Variants in SLC2A13 observed in about 807,000 individuals in gnomAD.
The protein encoded by SLC2A13 is solute carrier family 2 member 13.
SLC2A13 carries 32 observed loss-of-function variants against 64.4 expected under a neutral mutation model. The observed-to-expected ratio is 0.50, with a 90% CI of 0.37 to 0.67. SLC2A13 has a LOEUF of 0.67. SLC2A13 is among the 30% of genes least tolerant of loss of function. The pLI, the probability that SLC2A13 is intolerant of heterozygous loss-of-function variation, is 0.00. For synonymous variants in SLC2A13, 338 were observed against 327.1 expected, an observed-to-expected ratio of 1.03 and a Z score of -0.36; for missense variants, 743 against 829.2, an observed-to-expected ratio of 0.90 and a Z score of 1.28.
intron 4 of SLC2A13, among the ~76,000 whole-genome samples, chr12:39,898,961 G>T (rs532882691): frequency 2.0e-5 from 3 of 152,144 alleles, no homozygotes; most frequent in African/African-American, 7.2e-5. Flanking sequence ...TTGTGTCTCT[G>T]CCTGGCTTTG....
chr12:39,916,686 T>A (rs1238926281), intron 4 of SLC2A13, among the ~76,000 whole-genome samples: 3 of 152,122 alleles, frequency 2.0e-5, no homozygotes, highest in Admixed American at 2.0e-4. Context: ...CATTATATAT[T>A]AAAAACATTT....
At chr12:39,851,551 G>A (rs1420311500) in intron 6 of SLC2A13, among the ~76,000 whole-genome samples, 3 of 152,140 alleles carry the variant, frequency 2.0e-5, no homozygotes, top group Non-Finnish European at 4.4e-5. Flanking sequence ...GTTTGGTCTA[G>A]GCTAAAATTA....
chr12:40,053,836 T>G (rs748632403), intron 1 of SLC2A13, among the ~76,000 whole-genome samples: 2 of 152,164 alleles, frequency 1.3e-5, no homozygotes, highest in African/African-American at 4.8e-5. Context: ...CACCTTGCTG[T>G]TAATAAAAGC....
intron 1 of SLC2A13, among the ~76,000 whole-genome samples, chr12:40,091,704 C>T (rs1217582651): frequency 1.3e-5 from 2 of 152,108 alleles, no homozygotes; most frequent in Non-Finnish European, 2.9e-5. Flanking sequence ...ACCTAATATG[C>T]AAATTACAGT....
chr12:40,081,579 T>C (rs780780717), intron 1 of SLC2A13, among the ~76,000 whole-genome samples: 1 of 152,192 alleles, frequency 6.6e-6, no homozygotes, highest in Non-Finnish European at 1.5e-5. Context: ...TCAGTTCCTG[T>C]ATCATTTTAT....
At chr12:39,797,888 G>A (rs903811770) in intron 7 of SLC2A13, among the ~76,000 whole-genome samples, 10 of 152,038 alleles carry the variant, frequency 6.6e-5, no homozygotes, top group Non-Finnish European at 1.0e-4. Context: ...TCTTCATTAG[G>A]GGCTGTGGGA....
chr12:39,922,366 C>T (rs552484629), intron 4 of SLC2A13, among the ~76,000 whole-genome samples: 1 of 152,316 alleles, frequency 6.6e-6, no homozygotes, highest in East Asian at 1.9e-4. Context: ...CCAAGCCTAA[C>T]CAATCAGGAG....
chr12:39,916,756 A>G (rs927410157), intron 4 of SLC2A13, among the ~76,000 whole-genome samples: 19 of 152,086 alleles, frequency 1.2e-4, no homozygotes, highest in Non-Finnish European at 2.8e-4. Context: ...TGTTTAAGTA[A>G]TTAGTAAACT....
intron 7 of SLC2A13, among the ~76,000 whole-genome samples, chr12:39,785,804 T>C (rs1039954180): frequency 5.3e-5 from 8 of 152,096 alleles, no homozygotes; most frequent in Admixed American, 4.6e-4. Context: ...TCAAAGGAGA[T>C]CATTTTGGAG....
intron 3 of SLC2A13, among the ~76,000 whole-genome samples, chr12:39,959,468 C>T (rs1033494435): frequency 5.9e-5 from 9 of 152,172 alleles, no homozygotes; most frequent in Admixed American, 3.3e-4. Context: ...TTAATCTGGT[C>T]ATTATTATTC....
intron 2 of SLC2A13, among the ~76,000 whole-genome samples, chr12:40,031,152 G>T (rs761692108): frequency 3.3e-5 from 5 of 152,156 alleles, no homozygotes; most frequent in African/African-American, 1.2e-4. Flanking sequence ...ACACAGGAAT[G>T]GATGTGGGTG....
intron 1 of SLC2A13, among the ~76,000 whole-genome samples, chr12:40,076,979 C>A (rs1938202625): frequency 6.6e-6 from 1 of 151,938 alleles, no homozygotes; most frequent in Non-Finnish European, 1.5e-5. Flanking sequence ...GTGTTCATGT[C>A]CTTTGCCCAT....
Position 39,756,897 on chromosome 12 carries a change from C to A in SLC2A13, c.*3129G>T, listed in dbSNP as rs1431985901. On this transcript the variant is annotated 3_prime_UTR_variant, in exon 10 of 10. Transcript: ENST00000280871. ...GAAAAAATAGTCGGTATTCTCATAG[C>A]ATTTTGTATCAGGGAACTACTGTGT... is the stretch of plus-strand genomic sequence containing the variant. 3 of 151,488 alleles carry A rather than the reference C, an allele frequency of 2.0e-5. No homozygotes were observed. The highest frequency in any genetic ancestry group is 7.3e-5 in the African/African-American group (3 of 41,364). 9.4% of individuals were successfully genotyped at this position (151,488 alleles called of 1,614,324 possible).
At chr12:39,971,738 G>T (rs1415739568) in intron 3 of SLC2A13, among the ~76,000 whole-genome samples, 1 of 151,950 alleles carries the variant, frequency 6.6e-6, no homozygotes, top group East Asian at 1.9e-4. Flanking sequence ...ACTTTGGGAG[G>T]CCGAGGTGGG....
chr12:39,948,674 A>G (rs939384138), intron 4 of SLC2A13, among the ~76,000 whole-genome samples: 9 of 152,166 alleles, frequency 5.9e-5, no homozygotes, highest in African/African-American at 1.9e-4. Context: ...CAGAATTTTC[A>G]AAAACGTATT....
At chr12:39,949,560 T>C (rs1255168199) in intron 4 of SLC2A13, 1 of 152,230 alleles carries the variant, frequency 6.6e-6, no homozygotes, top group Non-Finnish European at 1.5e-5. Flanking sequence ...CTACTGCTAA[T>C]GGATTATGAC....
chr12:40,088,175 A>G (rs1482728201), intron 1 of SLC2A13, among the ~76,000 whole-genome samples: 2 of 152,212 alleles, frequency 1.3e-5, no homozygotes, highest in Admixed American at 6.5e-5. Flanking sequence ...AAAGCTCAAA[A>G]GGGGGACAGG....
intron 4 of SLC2A13, among the ~76,000 whole-genome samples, chr12:39,903,797 T>C (rs1021271846): frequency 3.9e-5 from 6 of 152,094 alleles, no homozygotes; most frequent in African/African-American, 1.4e-4. Context: ...ATAATTCCCA[T>C]TTAGCTTAAG....
chr12:40,068,714 A>G (rs1335878179), intron 1 of SLC2A13: 2 of 152,170 alleles, frequency 1.3e-5, no homozygotes, highest in Non-Finnish European at 2.9e-5. Flanking sequence ...CAGAAAATTT[A>G]ACCCTCAGAA....
Sources: gnomAD v4.1 joint callset for allele counts (sites outside exome capture counted in the v4.1 genomes callset) on GRCh38, gnomAD v4.1.1 for gene constraint, MANE v1.5 for transcripts, NCBI Gene and HGNC (gene_info 2026-07-23, HGNC 2026-07-21) for gene names.